Variants in CACNA1C observed in about 807,000 individuals in gnomAD.
CACNA1C encodes calcium voltage-gated channel subunit alpha1 C, also known as voltage-dependent L-type calcium channel subunit alpha-1C.
CACNA1C carries 30 observed loss-of-function variants against 229.0 expected under a neutral mutation model. That is an observed-to-expected ratio of 0.13 (90% confidence interval 0.10 to 0.18). CACNA1C has a LOEUF of 0.18. Among genes scored for constraint, CACNA1C ranks in the 10% least tolerant of loss-of-function variants. The pLI is 1.00. For synonymous variants in CACNA1C, 1,114 were observed against 1,132.5 expected, an observed-to-expected ratio of 0.98 and a Z score of 0.33; for missense variants, 1,658 against 2,845.0, an observed-to-expected ratio of 0.58 and a Z score of 9.49.
At chr12:2,030,955 T>A (rs1477477124) in intron 1 of CACNA1C, among the ~76,000 whole-genome samples, 1 of 152,216 alleles carries the variant, frequency 6.6e-6, no homozygotes, top group Non-Finnish European at 1.5e-5. Flanking sequence ...CCTGACATCT[T>A]TGCCTTCTCC....
intron 13 of CACNA1C, among the ~76,000 whole-genome samples, chr12:2,572,586 C>T (rs2056167074): frequency 1.5e-5 from 2 of 135,594 alleles, no homozygotes; most frequent in Admixed American, 7.2e-5. Context: ...TCCTCTCCTC[C>T]TCCTTCTCCT....
At chr12:2,218,159 A>G (rs957239844) in intron 3 of CACNA1C, among the ~76,000 whole-genome samples, 19 of 152,142 alleles carry the variant, frequency 1.2e-4, no homozygotes, top group Non-Finnish European at 1.5e-5. Context: ...GGCTCCTCCC[A>G]CGTCCCTACT....
intron 38 of CACNA1C, among the ~76,000 whole-genome samples, chr12:2,671,314 A>G (rs1216785725): frequency 6.6e-6 from 1 of 152,202 alleles, no homozygotes; most frequent in Non-Finnish European, 1.5e-5. Flanking sequence ...CGCCCGGCCA[A>G]AACACACATT....
At chr12:2,415,395 C>T (rs1275201905) in intron 3 of CACNA1C, among the ~76,000 whole-genome samples, 2 of 152,182 alleles carry the variant, frequency 1.3e-5, no homozygotes, top group African/African-American at 4.8e-5. Flanking sequence ...GGAGGCCGCG[C>T]AGCGCCCCTG....
intron 3 of CACNA1C, among the ~76,000 whole-genome samples, chr12:2,356,710 C>T (rs746094284): frequency 1.3e-5 from 2 of 152,260 alleles, no homozygotes; most frequent in Admixed American, 6.5e-5. Context: ...TTGCCCTCCT[C>T]TGTAAAGGGG....
chr12:2,031,072 C>T (rs2048137833), intron 1 of CACNA1C, among the ~76,000 whole-genome samples: 1 of 152,210 alleles, frequency 6.6e-6, no homozygotes, highest in Non-Finnish European at 1.5e-5. Flanking sequence ...CAGCCTAGAC[C>T]TCTCAGTGGT....
intron 38 of CACNA1C, among the ~76,000 whole-genome samples, chr12:2,673,099 C>A (rs775643439): frequency 6.6e-6 from 1 of 152,312 alleles, no homozygotes; most frequent in African/African-American, 2.4e-5. Context: ...ACTGGACTGC[C>A]GGTCCTATGC....
intron 3 of CACNA1C, among the ~76,000 whole-genome samples, chr12:2,446,279 GTGGA>G (rs2099278280): frequency 6.8e-6 from 1 of 147,838 alleles, no homozygotes; most frequent in South Asian, 2.2e-4. Flanking sequence ...GGATAGGTGG[GTGGA>G]TGGATGGATG....
Position 2,467,110 on chromosome 12 carries a change from G to A in CACNA1C, c.757+9404G>A, listed in dbSNP as rs2099556898. 1.3e-5 allele frequency among the ~76,000 whole-genome samples: 2 copies of A among 152,152 alleles called. No individual in the cohort carries two copies. The highest frequency in any genetic ancestry group is 1.3e-4 in the Admixed American group (2 of 15,282). On this transcript the variant is annotated intron_variant, in intron 5 of 46. Transcript: ENST00000399655. This position sits in a 1 kb window ranked among gnomAD's most constrained non-coding sequence, Gnocchi z 4.6. ...CCTCATTCTCCTTCACACAGCGCTG[G>A]AGGCTGCCTGGTCCCCCTGCCCGCC... is the stretch of plus-strand genomic sequence containing the variant.
At chr12:2,378,352 C>T (rs773297558) in intron 3 of CACNA1C, among the ~76,000 whole-genome samples, 1 of 152,094 alleles carries the variant, frequency 6.6e-6, no homozygotes, top group African/African-American at 2.4e-5. Context: ...ATTCCAGCAC[C>T]CCTCTATGGC....
rs1057364779 is a variant in CACNA1C, at chr12:2,697,634, C to G, written c.*6435C>G. On this transcript the variant is annotated 3_prime_UTR_variant, in exon 47 of 47. Coordinates refer to ENST00000399655, the MANE Select transcript of CACNA1C (RefSeq NM_000719.7). ...CCTCCGTTGTCACCATTCCCCACAC[C>G]CCTACACACCCCCACACCCTCCCCT... 3.3e-5 allele frequency: 5 copies of G among 152,104 alleles called. No homozygotes were observed. The highest frequency in any genetic ancestry group is 9.7e-5 in the African/African-American group (4 of 41,390). The allele number at this position is 152,104 out of a possible 1,614,324, so 9.4% of individuals were successfully genotyped here. A position where few individuals can be genotyped will look rare whatever the true frequency, so the allele number is the denominator to read the frequency against.
chr12:2,600,342 C>T (rs959660549), intron 21 of CACNA1C, among the ~76,000 whole-genome samples: 2 of 152,160 alleles, frequency 1.3e-5, no homozygotes, highest in Non-Finnish European at 2.9e-5. Flanking sequence ...TTTGGGACCC[C>T]CTGCTGCAAG....
chr12:2,556,847 C>T (rs1398269554), intron 10 of CACNA1C, 104 bp from the exon 11 acceptor site: 1 of 918,014 alleles, frequency 1.1e-6, no homozygotes. Flanking sequence ...CCAGCACCCA[C>T]ACGAAATTAC....
intron 3 of CACNA1C, among the ~76,000 whole-genome samples, chr12:2,363,897 C>T (rs535849318): frequency 6.1e-4 from 93 of 152,252 alleles, no homozygotes; most frequent in Middle Eastern, 6.8e-3. Context: ...TAGGCAGACC[C>T]CCTGAACAAC....
chr12:2,177,328 C>T (rs1420608908), intron 3 of CACNA1C, among the ~76,000 whole-genome samples: 1 of 152,196 alleles, frequency 6.6e-6, no homozygotes, highest in East Asian at 1.9e-4. Context: ...CAGAGAGACA[C>T]TCCACCTCAA....
At position 2,677,349 on chromosome 12, in the gene CACNA1C, G is replaced by A; in HGVS notation, c.4956+128G>A. ...CCCTGCAGAGGGAACCTTTCAGAGA[G>A]CTCCAGACCTTTCCAAAGATGGCTG... On this transcript the variant is annotated intron_variant, in intron 40 of 46. Transcript: ENST00000399655. The surrounding 1 kb of genome is among the most constrained non-coding windows in gnomAD (Gnocchi z 7.4). 1.9e-6 allele frequency: 2 copies of A among 1,037,132 alleles called. No homozygotes were observed. Among genetic ancestry groups the A allele is most frequent in the South Asian group, 1.7e-5 (1 of 58,196 alleles). The allele number at this position is 1,037,132 out of a possible 1,614,324, so 64.2% of individuals were successfully genotyped here. A position where few individuals can be genotyped will look rare whatever the true frequency, so the allele number is the denominator to read the frequency against.
intron 3 of CACNA1C, among the ~76,000 whole-genome samples, chr12:2,307,301 A>G (rs1444750868): frequency 6.6e-6 from 1 of 152,176 alleles, no homozygotes; most frequent in Non-Finnish European, 1.5e-5. Flanking sequence ...TGGCAAAAGC[A>G]TTTCATTGCC....
At chr12:2,485,364 G>A (rs371825797) in intron 5 of CACNA1C, among the ~76,000 whole-genome samples, 1 of 152,072 alleles carries the variant, frequency 6.6e-6, no homozygotes, top group Admixed American at 6.5e-5. Context: ...CAAATGATTT[G>A]CAGTGTCCCT....
At chr12:2,088,007 TA>T (rs2068407878) in intron 1 of CACNA1C, among the ~76,000 whole-genome samples, 1 of 152,174 alleles carries the variant, frequency 6.6e-6, no homozygotes, top group Non-Finnish European at 1.5e-5. Flanking sequence ...CTCACTTGGG[TA>T]GGCCACTTCT....
Sources: gnomAD v4.1 joint callset for allele counts (sites outside exome capture counted in the v4.1 genomes callset) on GRCh38, gnomAD v4.1.1 for gene constraint, Gnocchi (gnomAD v3.1) non-coding constraint, MANE v1.5 for transcripts, NCBI Gene and HGNC (gene_info 2026-07-23, HGNC 2026-07-21) for gene names.